The following SBK1 variants were observed in gnomAD, a reference collection of about 807,000 sequenced individuals.
The protein encoded by SBK1 is serine/threonine-protein kinase SBK1.
Under a neutral mutation model 24.4 loss-of-function variants are expected in SBK1, and 11 were observed. That is an observed-to-expected ratio of 0.45 (90% confidence interval 0.28 to 0.75). The LOEUF (loss-of-function observed/expected upper bound fraction) is 0.75. Among genes scored for constraint, SBK1 ranks in the 30% least tolerant of loss-of-function variants. The pLI, the probability that SBK1 is intolerant of heterozygous loss-of-function variation, is 0.12. For synonymous variants in SBK1, 308 were observed against 284.4 expected (o/e 1.08, Z -0.83); for missense variants, 467 against 620.5 (o/e 0.75, Z 2.63).
At chr16:28,269,349 T>C (rs1386468831) in intron 1 of SBK1, among the ~76,000 whole-genome samples, 1 of 151,564 alleles carries the variant, frequency 6.6e-6, no homozygotes, top group Non-Finnish European at 1.5e-5. Flanking sequence ...AGTTCTTTCT[T>C]GAAAGGAGAA....
chr16:28,295,763 A>C (rs1300401611), intron 1 of SBK1, among the ~76,000 whole-genome samples: 1 of 152,040 alleles, frequency 6.6e-6, no homozygotes, highest in Non-Finnish European at 1.5e-5. Flanking sequence ...TTCTTGAAAA[A>C]TCAGATGATG....
intron 1 of SBK1, chr16:28,287,207 G>A (rs1441413458): frequency 1.3e-5 from 2 of 149,764 alleles, no homozygotes; most frequent in East Asian, 2.0e-4. Context: ...TTGGGAGGCC[G>A]AGGTGGGCAG....
Position 28,321,173 on chromosome 16 carries a change from C to A in SBK1, c.*252C>A. On this transcript the variant is annotated 3_prime_UTR_variant, in exon 4 of 4. Coordinates refer to ENST00000341901, the MANE Select transcript of SBK1 (RefSeq NM_001024401.3). ...CCGCACAGACCCGAGAATTCGGAGG[C>A]CACCACACAACACACACACACACAC... is the stretch of plus-strand genomic sequence containing the variant. 1 of 295,890 alleles carries A rather than the reference C, an allele frequency of 3.4e-6. No individual in the cohort carries two copies. The allele number at this position is 295,890 out of a possible 1,614,324, so 18.3% of individuals were successfully genotyped here.
chr16:28,320,951 C>A lies in SBK1; in HGVS notation c.*30C>A. 1.5e-6 allele frequency: 2 copies of A among 1,370,248 alleles called. No homozygotes were observed. The highest frequency in any genetic ancestry group is 3.3e-5 in the Admixed American group (1 of 30,724). The allele number at this position is 1,370,248 out of a possible 1,614,324, so 84.9% of individuals were successfully genotyped here. ...CCTCCGCCGCCCTCGGACCCGGGAG[C>A]AGCCCGGGCCCGCCCCGAGCCGGTG... On this transcript the variant is annotated 3_prime_UTR_variant, in exon 4 of 4. Transcript: ENST00000341901. The surrounding 1 kb of genome is among the most constrained non-coding windows in gnomAD (Gnocchi z 8.5).
At chr16:28,265,624 A>T (rs58568236) in intron 1 of SBK1, among the ~76,000 whole-genome samples, 2 of 152,010 alleles carry the variant, frequency 1.3e-5, no homozygotes, top group Non-Finnish European at 2.9e-5. Context: ...ATAATTTTTT[A>T]AAAAAGAAAA....
intron 1 of SBK1, among the ~76,000 whole-genome samples, chr16:28,304,857 C>G (rs989955396): frequency 2.6e-5 from 4 of 152,158 alleles, no homozygotes; most frequent in Non-Finnish European, 4.4e-5. Flanking sequence ...ATCCGCCCGC[C>G]TCTGCCTCCC....
chr16:28,308,009 G>T (rs1022924236), intron 1 of SBK1, among the ~76,000 whole-genome samples: 2 of 152,130 alleles, frequency 1.3e-5, no homozygotes, highest in Non-Finnish European at 2.9e-5. Context: ...GGAACAAGCC[G>T]TCTTCTCTTT....
At chr16:28,281,091 G>C (rs1377341369) in intron 1 of SBK1, among the ~76,000 whole-genome samples, 3 of 152,060 alleles carry the variant, frequency 2.0e-5, no homozygotes, top group African/African-American at 7.2e-5. Context: ...ACAGACCCTG[G>C]TAACAGCAGG....
At chr16:28,311,003 CAGGGATGGGTG>C (rs2044750670) in intron 1 of SBK1, among the ~76,000 whole-genome samples, 1 of 152,162 alleles carries the variant, frequency 6.6e-6, no homozygotes, top group Non-Finnish European at 1.5e-5. Flanking sequence ...GACGCAGAGG[CAGGGATGGGTG>C]CGTGGATTAA....
chr16:28,304,285 A>ACCT (rs1321010071), intron 1 of SBK1, among the ~76,000 whole-genome samples: 1 of 151,376 alleles, frequency 6.6e-6, no homozygotes, highest in African/African-American at 2.4e-5. Flanking sequence ...TCCTCCTGGA[A>ACCT]CCTCCCCCAG....
Position 28,320,750 on chromosome 16 carries a change from C to T in SBK1, c.1104C>T (p.Pro368=), listed in dbSNP as rs1296381886. ...ESGSGSRPAP[P]AVGSVPLPVP... is the part of the protein sequence containing the mutation. ...GCAGCGGCTCCCGGCCCGCGCCCCC[C>T]GCCGTCGGGTCGGTGCCCTTGCCCG... Residue 368 remains proline, a synonymous_variant, in exon 4 of 4, where the codon CCC becomes CCT. Coordinates refer to ENST00000341901, the MANE Select transcript of SBK1 (RefSeq NM_001024401.3). This position sits in a 1 kb window ranked among gnomAD's most constrained non-coding sequence, Gnocchi z 8.5. 1.6e-6 allele frequency: 2 copies of T among 1,250,796 alleles called. No homozygotes were observed. The highest frequency in any genetic ancestry group is 4.5e-5 in the East Asian group (1 of 22,256). The allele number at this position is 1,250,796 out of a possible 1,614,324, so 77.5% of individuals were successfully genotyped here.
chr16:28,305,438 C>G (rs2044709399), intron 1 of SBK1, among the ~76,000 whole-genome samples: 1 of 152,008 alleles, frequency 6.6e-6, no homozygotes, highest in African/African-American at 2.4e-5. Flanking sequence ...TCTCAAACTC[C>G]TGACCTCAGG....
chr16:28,277,032 G>A (rs527904002), intron 1 of SBK1, among the ~76,000 whole-genome samples: 3 of 152,032 alleles, frequency 2.0e-5, no homozygotes, highest in Admixed American at 6.6e-5. Context: ...CAGAGCAGAG[G>A]GGGGAGTGCC....
At chr16:28,318,297 TC>T (rs2044812531) in intron 2 of SBK1, among the ~76,000 whole-genome samples, 1 of 152,174 alleles carries the variant, frequency 6.6e-6, no homozygotes, top group African/African-American at 2.4e-5. Context: ...CGCGCTTGGG[TC>T]CAGGGGCTTT....
upstream of SBK1, chr16:28,292,406 G>T (rs1350989958): frequency 6.9e-6 from 3 of 436,674 alleles, no homozygotes; most frequent in Admixed American, 6.7e-5. Context: ...GGGTGAGCGC[G>T]CTTGCGCGAG....
Position 28,280,149 on chromosome 16 carries a change from A to ATATATATATG in SBK1, c.257+20648_257+20649insATATATATGT, listed in dbSNP as rs1230385223. 3.4e-3 allele frequency among the ~76,000 whole-genome samples: 132 copies of ATATATATATG among 39,380 alleles called. 1 individual carries two copies. Among genetic ancestry groups the ATATATATATG allele is most frequent in the Middle Eastern group, 0.019 (1 of 54 alleles). The allele number at this position is 39,380 out of a possible 152,430, so 25.8% of individuals were successfully genotyped here. ...TATATATATATATATATATATATAT[A>ATATATATATG]TGTGTGTGTGTGTGTGTGTGTGTAT... On this transcript the variant is annotated intron_variant, in intron 1 of 3. Coordinates refer to the SBK1 transcript ENST00000671413.
chr16:28,281,078 C>T (rs1041836345), intron 1 of SBK1, among the ~76,000 whole-genome samples: 2 of 152,254 alleles, frequency 1.3e-5, no homozygotes, highest in East Asian at 3.9e-4. Flanking sequence ...GTGGTGTCCT[C>T]AGACAGACCC....
At chr16:28,278,054 C>A (rs1376535402) in intron 1 of SBK1, among the ~76,000 whole-genome samples, 1 of 152,272 alleles carries the variant, frequency 6.6e-6, no homozygotes, top group Non-Finnish European at 1.5e-5. Flanking sequence ...ATGGGCACAG[C>A]TATAAGTCCG....
At chr16:28,264,694 C>T (rs1245221672) in intron 1 of SBK1, among the ~76,000 whole-genome samples, 1 of 152,044 alleles carries the variant, frequency 6.6e-6, no homozygotes, top group Non-Finnish European at 1.5e-5. Flanking sequence ...AGGAGCCTCT[C>T]GGCTGACGGT....
Sources: allele counts gnomAD v4.1 joint callset (sites outside exome capture counted in the v4.1 genomes callset), GRCh38; gene constraint gnomAD v4.1.1; non-coding constraint Gnocchi (gnomAD v3.1); transcripts MANE v1.5; gene names NCBI Gene and HGNC (gene_info 2026-07-23, HGNC 2026-07-21).